Variants in SDK1 observed in about 807,000 individuals in gnomAD.
SDK1 encodes sidekick cell adhesion molecule 1.
Under a neutral mutation model 245.5 loss-of-function variants are expected in SDK1, and 157 were observed. That is an observed-to-expected ratio of 0.64 (90% CI 0.56 to 0.73). The LOEUF (loss-of-function observed/expected upper bound fraction) is 0.73. Among genes scored for constraint, SDK1 ranks in the 30% least tolerant of loss-of-function variants. The pLI is 0.00. For missense variants in SDK1, 3,583 were observed against 3,002.3 expected, an observed-to-expected ratio of 1.19 and a Z score of -4.52; for synonymous variants, 1,647 against 1,278.5, an observed-to-expected ratio of 1.29 and a Z score of -6.15.
chr7:3,744,420 C>T (rs1020447554), intron 4 of SDK1, among the ~76,000 whole-genome samples: 1 of 152,034 alleles, frequency 6.6e-6, no homozygotes, highest in African/African-American at 2.4e-5. Flanking sequence ...CAAACATATA[C>T]TAGGTATCCA....
At chr7:3,821,063 G>A (rs1289970545) in intron 4 of SDK1, among the ~76,000 whole-genome samples, 2 of 152,216 alleles carry the variant, frequency 1.3e-5, no homozygotes, top group Non-Finnish European at 2.9e-5. Context: ...ACTTGCGCTG[G>A]GTCAGGGTTG....
chr7:4,152,544 C>T (rs998002073), intron 30 of SDK1, among the ~76,000 whole-genome samples: 1 of 152,128 alleles, frequency 6.6e-6, no homozygotes, highest in Non-Finnish European at 1.5e-5. Flanking sequence ...ATCGTGTGTC[C>T]GGGACTTCAT....
intron 5 of SDK1, among the ~76,000 whole-genome samples, chr7:3,891,638 A>G (rs1562516539): frequency 6.6e-6 from 1 of 152,156 alleles, no homozygotes; most frequent in Non-Finnish European, 1.5e-5. Context: ...TGAGCACATC[A>G]TGCTTCCAAC....
chr7:4,193,737 C>G (rs1327605732), intron 35 of SDK1, among the ~76,000 whole-genome samples: 1 of 152,146 alleles, frequency 6.6e-6, no homozygotes, highest in African/African-American at 2.4e-5. Flanking sequence ...AAGACTCTCA[C>G]TCAAGGCAAT....
intron 1 of SDK1, among the ~76,000 whole-genome samples, chr7:3,451,737 C>A (rs2128591797): frequency 6.6e-6 from 1 of 152,312 alleles, no homozygotes; most frequent in Non-Finnish European, 1.5e-5. Context: ...GGGTTCTACT[C>A]TGCGTGATCA....
chr7:3,478,993 A>G (rs75177274), intron 1 of SDK1, among the ~76,000 whole-genome samples: 6,420 of 152,208 alleles, frequency 0.042, 433 homozygotes, highest in African/African-American at 0.14. Flanking sequence ...TGAAATACTG[A>G]TTTCTAACTT....
At chr7:3,468,736 G>A (rs1224310824) in intron 1 of SDK1, among the ~76,000 whole-genome samples, 1 of 152,118 alleles carries the variant, frequency 6.6e-6, no homozygotes, top group Non-Finnish European at 1.5e-5. Flanking sequence ...CTGTTCAATA[G>A]TATTTCTTGA....
chr7:3,757,427 G>C (rs1779965315), intron 4 of SDK1, among the ~76,000 whole-genome samples: 1 of 151,986 alleles, frequency 6.6e-6, no homozygotes, highest in Admixed American at 6.6e-5. Context: ...AATAGAGATG[G>C]GGTCTCACTG....
intron 1 of SDK1, among the ~76,000 whole-genome samples, chr7:3,574,142 A>T: frequency 6.8e-6 from 1 of 147,436 alleles, no homozygotes; most frequent in African/African-American, 2.5e-5. Context: ...TTTGAGATGG[A>T]GCCTCACTCT....
In SDK1 at chr7:3,803,887, C is replaced by G. The variant is rs374849111; in HGVS notation, c.714-17563C>G. 2.0e-5 allele frequency among the ~76,000 whole-genome samples: 3 copies of G among 151,936 alleles called. No homozygotes were observed. The East Asian group carries it at 5.9e-4, about 30-fold the overall frequency. On this transcript the variant is annotated intron_variant, in intron 4 of 44. Transcript: ENST00000404826. ...TCACGCCATTCTCCTGCCTCAGCCT[C>G]CTGAGTAGCTGGGACTACAGGCACC...
intron 7 of SDK1, among the ~76,000 whole-genome samples, chr7:3,957,189 G>A (rs1183550361): frequency 1.3e-5 from 2 of 152,174 alleles, no homozygotes; most frequent in African/African-American, 4.8e-5. Context: ...GGGTGCTCCT[G>A]GTCATGGAAG....
At chr7:4,210,950 T>C (rs376410760) in intron 38 of SDK1, among the ~76,000 whole-genome samples, 48 of 152,186 alleles carry the variant, frequency 3.2e-4, no homozygotes, top group African/African-American at 1.2e-3. Flanking sequence ...CTGGGGAAGA[T>C]CTTCCGAAGG....
intron 4 of SDK1, among the ~76,000 whole-genome samples, chr7:3,673,684 G>A (rs540492927): frequency 6.6e-6 from 1 of 152,074 alleles, no homozygotes; most frequent in Non-Finnish European, 1.5e-5. Flanking sequence ...AAAGACAAAA[G>A]CTCAGTCATT....
intron 38 of SDK1, among the ~76,000 whole-genome samples, chr7:4,211,308 G>A (rs1784499389): frequency 6.6e-6 from 1 of 152,224 alleles, no homozygotes; most frequent in African/African-American, 2.4e-5. Context: ...GGTGAAAACG[G>A]AAGGTGGAAT....
rs193210983 is a variant in SDK1 at position 3,964,176 on chromosome 7, G to A, written c.1429+1325G>A. ...GTTCAGCCCCCTGAGGTAAACAGAA[G>A]GGGTAATGTGGCCAGAAGTGGGCAG... On this transcript the variant is annotated intron_variant, in intron 9 of 44. Transcript: ENST00000404826. 1.5e-3 allele frequency among the ~76,000 whole-genome samples: 229 copies of A among 152,354 alleles called. 1 individual carries two copies. The highest frequency in any genetic ancestry group is 5.4e-3 in the African/African-American group (224 of 41,580).
intron 31 of SDK1, among the ~76,000 whole-genome samples, chr7:4,158,943 C>T (rs1288638466): frequency 6.6e-6 from 1 of 152,230 alleles, no homozygotes; most frequent in Non-Finnish European, 1.5e-5. Flanking sequence ...GAGGTCTCCT[C>T]AGAGCTCCAG....
chr7:3,519,171 T>A (rs762708553), intron 1 of SDK1, among the ~76,000 whole-genome samples: 1 of 151,956 alleles, frequency 6.6e-6, no homozygotes, highest in Non-Finnish European at 1.5e-5. Context: ...GAGAGAGTTG[T>A]TAAAGGATAT....
In SDK1 at chr7:3,484,464, G is replaced by A. The variant is rs1035027703; in HGVS notation, c.299-134616G>A. Among the ~76,000 whole-genome samples the A allele has an allele frequency of 1.3e-5, 2 of 152,142 alleles. 1 individual carries two copies. The highest frequency in any genetic ancestry group is 4.8e-5 in the African/African-American group (2 of 41,416). On this transcript the variant is annotated intron_variant, in intron 1 of 44. Coordinates refer to ENST00000404826, the MANE Select transcript of SDK1 (RefSeq NM_152744.4). ...GGAACTAGTTCCCCATGTAGACCGA[G>A]GAACGGCTATATTTTCAGTTTGGTT...
At position 4,130,040 on chromosome 7, in the gene SDK1, C is replaced by A. The variant is rs750782781; in HGVS notation, c.4072C>A (p.Arg1358Ser). ...CGAGCTCCAGGTGCTGGCGTTCACC[C>A]GCATCGGGAACGGGGTCCCCAGCAC... is the stretch of plus-strand genomic sequence containing the variant. Reference protein sequence around the residue: ...LYELQVLAFTRIGNGVPSTPL... With the variant: ...LYELQVLAFTSIGNGVPSTPL... Residue 1358 changes from arginine (R) to serine (S), a missense_variant, in exon 27 of 45, where the codon CGC becomes AGC. Arg to Ser is a moderately radical substitution (Grantham distance 110). Coordinates refer to ENST00000404826, the MANE Select transcript of SDK1 (RefSeq NM_152744.4). 6.2e-7 allele frequency: 1 copy of A among 1,613,012 alleles called. No individual in the cohort carries two copies. Among genetic ancestry groups the A allele is most frequent in the Non-Finnish European group, 8.5e-7 (1 of 1,179,628 alleles).
Sources: gnomAD v4.1 joint callset for allele counts (sites outside exome capture counted in the v4.1 genomes callset) on GRCh38, gnomAD v4.1.1 for gene constraint, MANE v1.5 for transcripts, NCBI Gene and HGNC (gene_info 2026-07-23, HGNC 2026-07-21) for gene names.